SORCS3: variants seen among roughly 807,000 people sequenced by gnomAD.
SORCS3 encodes the protein sortilin related VPS10 domain containing receptor 3.
Under a neutral mutation model 146.3 loss-of-function variants are expected in SORCS3, and 57 were observed. That is an observed-to-expected ratio of 0.39 (90% CI 0.31 to 0.49). The LOEUF is 0.49. Ranked by LOEUF, SORCS3 falls within the 20% of genes least tolerant of loss-of-function variation. SORCS3 has a pLI of 0.92. For synonymous variants in SORCS3, 653 were observed against 618.5 expected, an observed-to-expected ratio of 1.06 and a Z score of -0.83; for missense variants, 1,341 against 1,575.5, an observed-to-expected ratio of 0.85 and a Z score of 2.52.
chr10:105,047,138 A>AT (rs148094186), intron 5 of SORCS3, among the ~76,000 whole-genome samples: 33 of 150,246 alleles, frequency 2.2e-4, no homozygotes, highest in African/African-American at 4.4e-4. Flanking sequence ...CAGTGGGAAG[A>AT]TTTTTTTTTT....
At position 104,641,323 on chromosome 10, in the gene SORCS3, G is replaced by T; in HGVS notation, c.-5G>T. The T allele has an allele frequency of 4.6e-6, 6 of 1,303,264 alleles. No individual in the cohort carries two copies. The highest frequency in any genetic ancestry group is 5.8e-6 in the Non-Finnish European group (6 of 1,029,796). 80.7% of individuals were successfully genotyped at this position (1,303,264 alleles called of 1,614,324 possible). On this transcript the variant is annotated 5_prime_UTR_variant, in exon 1 of 27. Coordinates refer to ENST00000369701, the MANE Select transcript of SORCS3 (RefSeq NM_014978.3). This position sits in a 1 kb window ranked among gnomAD's most constrained non-coding sequence, Gnocchi z 6.4. ...GGCAGCCCGAGCCGCGGTAGCCGCA[G>T]CGGGATGGAGGCGGCGCGCACGGAG...
chr10:104,914,603 C>T (rs949939889), intron 2 of SORCS3, among the ~76,000 whole-genome samples: 1 of 152,108 alleles, frequency 6.6e-6, no homozygotes, highest in Non-Finnish European at 1.5e-5. Flanking sequence ...CACTACACTC[C>T]ATCCAGGCTA....
intron 1 of SORCS3, among the ~76,000 whole-genome samples, chr10:104,685,142 GT>G (rs1275182926): frequency 3.3e-5 from 5 of 152,118 alleles, no homozygotes; most frequent in Admixed American, 1.3e-4. Flanking sequence ...AGATATTGAT[GT>G]TGATGAATAG....
chr10:105,184,194 G>T (rs1316661662), intron 14 of SORCS3, among the ~76,000 whole-genome samples: 1 of 152,174 alleles, frequency 6.6e-6, no homozygotes, highest in Admixed American at 6.5e-5. Flanking sequence ...TGGCCATAGG[G>T]CTTTTGTTGC....
rs116609841 is a variant in SORCS3 at position 105,218,527 on chromosome 10, G to A, written c.2734+1405G>A. Among the ~76,000 whole-genome samples the A allele has an allele frequency of 4.5e-3, 689 of 152,302 alleles. 5 individuals are homozygous for A. Among genetic ancestry groups the A allele is most frequent in the African/African-American group, 0.016 (674 of 41,562 alleles). On this transcript the variant is annotated intron_variant, in intron 19 of 26. Coordinates refer to ENST00000369701, the MANE Select transcript of SORCS3 (RefSeq NM_014978.3). ...ATGAGCCATAAATAGGCAAAGTGGTGAGAACCACACCACATCAACTACAAC... is the reference window on the plus strand; with the variant it reads ...ATGAGCCATAAATAGGCAAAGTGGTAAGAACCACACCACATCAACTACAAC...
intron 5 of SORCS3, among the ~76,000 whole-genome samples, chr10:105,077,327 A>G (rs1351298615): frequency 6.6e-6 from 1 of 152,140 alleles, no homozygotes; most frequent in Non-Finnish European, 1.5e-5. Context: ...GTATTTCATG[A>G]CCCACTAATA....
intron 4 of SORCS3, among the ~76,000 whole-genome samples, chr10:105,029,133 C>T (rs1311609351): frequency 1.3e-5 from 2 of 152,168 alleles, no homozygotes; most frequent in South Asian, 2.1e-4. Context: ...TTAAAGCTAC[C>T]TCTGGCCAGG....
intron 14 of SORCS3, among the ~76,000 whole-genome samples, chr10:105,199,449 A>G (rs188394178): frequency 1.3e-4 from 20 of 152,256 alleles, no homozygotes; most frequent in African/African-American, 4.6e-4. Context: ...GCGTTAAACA[A>G]TGGAATTTCA....
intron 3 of SORCS3, among the ~76,000 whole-genome samples, chr10:104,958,032 G>A (rs1053918888): frequency 6.6e-6 from 1 of 152,004 alleles, no homozygotes; most frequent in African/African-American, 2.4e-5. Flanking sequence ...GAACACCCAC[G>A]GAGAAGACCT....
chr10:104,807,194 T>C (rs529422958), intron 1 of SORCS3, among the ~76,000 whole-genome samples: 4 of 151,770 alleles, frequency 2.6e-5, no homozygotes, highest in Admixed American at 2.0e-4. Context: ...TGTGTGTGTG[T>C]GCGCATGTGT....
Position 105,252,825 on chromosome 10 carries a change from C to T in SORCS3, c.3156C>T (p.Leu1052=), listed in dbSNP as rs775223969. 1 of 1,614,058 alleles carries T rather than the reference C, an allele frequency of 6.2e-7. No individual in the cohort carries two copies. The highest frequency in any genetic ancestry group is 1.7e-5 in the Admixed American group (1 of 60,010). The change falls in exon 23 of 27, where the codon CTC becomes CTT. Residue 1052 remains leucine, a synonymous_variant. Coordinates refer to ENST00000369701, the MANE Select transcript of SORCS3 (RefSeq NM_014978.3). ...DQILIAVFPG[L]PTSAELFILP... is the part of the protein sequence containing the mutation. ...TCCTCATTGCCGTGTTTCCTGGTCT[C>T]CCCACTTCAGCAGAGCTTTTCATTC...
intron 1 of SORCS3, among the ~76,000 whole-genome samples, chr10:104,674,570 C>T (rs1379344293): frequency 3.3e-5 from 5 of 152,176 alleles, no homozygotes; most frequent in East Asian, 3.8e-4. Flanking sequence ...CTTGAGATTA[C>T]GGTAGCCTGG....
At chr10:105,076,870 G>T (rs189760688) in intron 5 of SORCS3, among the ~76,000 whole-genome samples, 1 of 152,070 alleles carries the variant, frequency 6.6e-6, no homozygotes, top group South Asian at 2.1e-4. Context: ...GTAAATTTTC[G>T]TGGATTTTCA....
At chr10:105,240,547 C>G (rs2056816230) in intron 20 of SORCS3, among the ~76,000 whole-genome samples, 1 of 152,186 alleles carries the variant, frequency 6.6e-6, no homozygotes, top group Non-Finnish European at 1.5e-5. Context: ...ATCCATTAGT[C>G]TATCTTGATG....
chr10:105,074,809 C>G (rs926465942), intron 5 of SORCS3, among the ~76,000 whole-genome samples: 4 of 151,688 alleles, frequency 2.6e-5, no homozygotes, highest in African/African-American at 9.7e-5. Context: ...TCAGGTCTGT[C>G]TACACCAATA....
intron 2 of SORCS3, among the ~76,000 whole-genome samples, chr10:104,858,240 G>A (rs2018356383): frequency 6.6e-6 from 1 of 152,090 alleles, no homozygotes; most frequent in African/African-American, 2.4e-5. Flanking sequence ...TCATTGTTAT[G>A]TTTTGGCATA....
chr10:105,152,783 A>G (rs1363949227), intron 9 of SORCS3, among the ~76,000 whole-genome samples: 2 of 152,092 alleles, frequency 1.3e-5, no homozygotes, highest in Non-Finnish European at 2.9e-5. Context: ...TTTTTTTCTT[A>G]TTTATCTCTC....
At chr10:105,202,703 A>G (rs988216824) in intron 16 of SORCS3, among the ~76,000 whole-genome samples, 26 of 152,158 alleles carry the variant, frequency 1.7e-4, no homozygotes, top group Admixed American at 1.6e-3. Flanking sequence ...TAAACATTCA[A>G]TAAAGAGTTG....
At chr10:104,721,607 G>A (rs1285354107) in intron 1 of SORCS3, among the ~76,000 whole-genome samples, 1 of 152,176 alleles carries the variant, frequency 6.6e-6, no homozygotes, top group Non-Finnish European at 1.5e-5. Flanking sequence ...TCCTACCCAT[G>A]AGCATGGAAT....
Sources: allele counts gnomAD v4.1 joint callset (sites outside exome capture counted in the v4.1 genomes callset), GRCh38; gene constraint gnomAD v4.1.1; non-coding constraint Gnocchi (gnomAD v3.1); transcripts MANE v1.5; gene names NCBI Gene and HGNC (gene_info 2026-07-23, HGNC 2026-07-21).